ZNF618: variants seen among roughly 807,000 people sequenced by gnomAD.
ZNF618 encodes zinc finger protein 618.
ZNF618 carries 34 observed loss-of-function variants against 103.0 expected under a neutral mutation model. The ratio of observed to expected loss-of-function variants is 0.33; its 90% CI spans 0.25 to 0.44. The LOEUF is 0.44. Among genes scored for constraint, ZNF618 ranks in the 20% least tolerant of loss-of-function variants. The pLI is 1.00. For missense variants in ZNF618, 1,059 were observed against 1,295.4 expected (o/e 0.82, Z 2.80); for synonymous variants, 551 against 542.2 (o/e 1.02, Z -0.23).
rs1480955561 is a variant in ZNF618, at chr9:114,052,166, C to T, written c.*1999C>T. 6.5e-6 allele frequency: 1 copy of T among 152,690 alleles called. No homozygotes were observed. Among genetic ancestry groups the T allele is most frequent in the Non-Finnish European group, 1.5e-5 (1 of 68,082 alleles). 9.5% of individuals were successfully genotyped at this position (152,690 alleles called of 1,614,324 possible). A position where few individuals can be genotyped will look rare whatever the true frequency, so the allele number is the denominator to read the frequency against. ...AGGGAGTAAAGTTGATTGCAAACCTCATGAAGGCTTAGGATCATGGACCTG... is the reference window on the plus strand; with the variant it reads ...AGGGAGTAAAGTTGATTGCAAACCTTATGAAGGCTTAGGATCATGGACCTG... On this transcript the variant is annotated 3_prime_UTR_variant, in exon 15 of 15. Coordinates refer to ENST00000374126, the MANE Select transcript of ZNF618 (RefSeq NM_001318042.2).
At position 114,039,028 on chromosome 9, in the gene ZNF618, GT is replaced by G. The variant is rs202205309; in HGVS notation, c.1246+2653del. ...GCTAACGAAACGGAGGCACAAACTG[GT>G]TAAGTAACTTGTCCAAGGCTATGCA... On this transcript the variant is annotated intron_variant, in intron 13 of 14. Transcript: ENST00000374126. 6.8e-3 allele frequency among the ~76,000 whole-genome samples: 1,033 copies of G among 152,272 alleles called. 18 individuals are homozygous for G. The highest frequency in any genetic ancestry group is 0.023 in the African/African-American group (950 of 41,550).
At chr9:113,966,420 G>A (rs1441237458) in intron 1 of ZNF618, among the ~76,000 whole-genome samples, 1 of 152,198 alleles carries the variant, frequency 6.6e-6, no homozygotes, top group African/African-American at 2.4e-5. Context: ...GTACAGATGA[G>A]TTTGCTGTTT....
chr9:113,955,117 C>T (rs1025384079), intron 1 of ZNF618, among the ~76,000 whole-genome samples: 1 of 151,404 alleles, frequency 6.6e-6, no homozygotes, highest in Admixed American at 6.6e-5. Context: ...ATTAAATTGC[C>T]TCCATTTAAA....
At chr9:113,996,545 C>T (rs1360994459) in intron 3 of ZNF618, among the ~76,000 whole-genome samples, 2 of 152,218 alleles carry the variant, frequency 1.3e-5, no homozygotes, top group Non-Finnish European at 2.9e-5. Context: ...CCCCTGTCCT[C>T]GCCTGGTCTG....
At position 113,988,417 on chromosome 9, in the gene ZNF618, G is replaced by A. The variant is rs367797961; in HGVS notation, c.174G>A (p.Thr58=). The change falls in exon 3 of 15, where the codon ACG becomes ACA. Residue 58 remains threonine, a synonymous_variant. Coordinates refer to ENST00000374126, the MANE Select transcript of ZNF618 (RefSeq NM_001318042.2). The stretch of plus-strand genomic sequence containing the variant: ...TGAGTGCCGAGCAAGGAACGATGAC[G>A]GAGGTGAAGGTGAAGACAGAGCTGC... The part of the protein sequence containing the change: ...ASLSAEQGTM[T]EVKVKTELPD... 12 of 1,613,540 alleles carry A rather than the reference G, an allele frequency of 7.4e-6. No homozygotes were observed. The East Asian group carries it at 1.6e-4, about 21-fold the overall frequency.
At chr9:113,961,297 C>T (rs1042901085) in intron 1 of ZNF618, among the ~76,000 whole-genome samples, 15 of 152,162 alleles carry the variant, frequency 9.9e-5, no homozygotes, top group African/African-American at 3.4e-4. Context: ...AATGCCTGTC[C>T]CCTTCACTGT....
intron 1 of ZNF618, among the ~76,000 whole-genome samples, chr9:113,903,498 C>T (rs1048274903): frequency 6.6e-6 from 1 of 151,536 alleles, no homozygotes; most frequent in African/African-American, 2.4e-5. Context: ...AATCAACACT[C>T]AGTATTTCAT....
intron 12 of ZNF618, among the ~76,000 whole-genome samples, chr9:114,034,551 G>T (rs1445124016): frequency 6.6e-6 from 1 of 152,224 alleles, no homozygotes; most frequent in Non-Finnish European, 1.5e-5. Flanking sequence ...CCCCATGGGG[G>T]TCAATGTTAT....
At chr9:113,973,889 T>C (rs762229048) in intron 2 of ZNF618, among the ~76,000 whole-genome samples, 10 of 152,210 alleles carry the variant, frequency 6.6e-5, no homozygotes, top group African/African-American at 2.4e-4. Flanking sequence ...GTTAAAGGGC[T>C]CATTATTTTG....
chr9:113,951,366 C>G (rs1023419925), intron 1 of ZNF618, among the ~76,000 whole-genome samples: 13 of 92,702 alleles, frequency 1.4e-4, no homozygotes, highest in Non-Finnish European at 3.2e-4. Context: ...GGACCTTTTA[C>G]CAGGATGGCT....
chr9:114,009,479 G>T (rs1302957683), intron 9 of ZNF618, among the ~76,000 whole-genome samples: 1 of 152,160 alleles, frequency 6.6e-6, no homozygotes, highest in African/African-American at 2.4e-5. Context: ...TTTGCTGCTG[G>T]GAGGAAGATA....
At chr9:113,950,358 A>G (rs994815976) in intron 1 of ZNF618, among the ~76,000 whole-genome samples, 2 of 152,028 alleles carry the variant, frequency 1.3e-5, no homozygotes, top group African/African-American at 2.4e-5. Flanking sequence ...CCCTGTCTCA[A>G]CCACTTTCAC....
At chr9:113,990,336 G>A (rs1271151640) in intron 3 of ZNF618, among the ~76,000 whole-genome samples, 1 of 152,134 alleles carries the variant, frequency 6.6e-6, no homozygotes, top group Non-Finnish European at 1.5e-5. Flanking sequence ...GGGGCTCCAG[G>A]ACCTGCCTGA....
At chr9:113,889,863 G>A (rs1177691408) in intron 1 of ZNF618, among the ~76,000 whole-genome samples, 1 of 152,208 alleles carries the variant, frequency 6.6e-6, no homozygotes, top group Non-Finnish European at 1.5e-5. Context: ...GCACAGCTAT[G>A]TGCATTCAAT....
chr9:113,994,192 T>A (rs1840347215), intron 3 of ZNF618, among the ~76,000 whole-genome samples: 1 of 152,200 alleles, frequency 6.6e-6, no homozygotes, highest in Non-Finnish European at 1.5e-5. Flanking sequence ...GCAGCCAGGC[T>A]ATGGCGCTGG....
At chr9:113,929,456 C>T (rs943376839) in intron 1 of ZNF618, among the ~76,000 whole-genome samples, 1 of 152,156 alleles carries the variant, frequency 6.6e-6, no homozygotes, top group African/African-American at 2.4e-5. Flanking sequence ...GTGATGACTT[C>T]CAAGCTCTGT....
intron 1 of ZNF618, among the ~76,000 whole-genome samples, chr9:113,945,377 C>T (rs1045200251): frequency 3.9e-5 from 6 of 152,170 alleles, no homozygotes; most frequent in South Asian, 2.1e-4. Context: ...GTTCCTTCTC[C>T]GCATGTACAC....
intron 3 of ZNF618, among the ~76,000 whole-genome samples, chr9:113,996,170 C>T (rs530242992): frequency 6.6e-6 from 1 of 152,316 alleles, no homozygotes; most frequent in South Asian, 2.1e-4. Context: ...CATGACTTCC[C>T]TGTTCAGATC....
intron 1 of ZNF618, among the ~76,000 whole-genome samples, chr9:113,881,096 G>A (rs753609500): frequency 1.3e-5 from 2 of 152,178 alleles, no homozygotes; most frequent in South Asian, 4.1e-4. Flanking sequence ...TGAAGGCAGC[G>A]TCTTTGCAAG....
Sources: gnomAD v4.1 joint callset for allele counts (sites outside exome capture counted in the v4.1 genomes callset) on GRCh38, gnomAD v4.1.1 for gene constraint, MANE v1.5 for transcripts, NCBI Gene and HGNC (gene_info 2026-07-23, HGNC 2026-07-21) for gene names.